GPR149: variants seen among roughly 807,000 people sequenced by gnomAD.
GPR149 encodes probable G protein-coupled receptor 149.
In GPR149, 50 loss-of-function variants were observed where a neutral mutation model predicts 50.2. That is an observed-to-expected ratio of 1.00 (90% CI 0.79 to 1.26). The LOEUF is 1.26. Ranked by LOEUF, GPR149 falls within the 50% of genes most tolerant of loss-of-function variation. The pLI is 0.00. For synonymous variants in GPR149, 405 were observed against 358.2 expected, an observed-to-expected ratio of 1.13 and a Z score of -1.48; for missense variants, 983 against 895.4, an observed-to-expected ratio of 1.10 and a Z score of -1.25.
Position 154,429,115 on chromosome 3 carries a change from G to A in GPR149, c.501C>T (p.Leu167=). The change falls in exon 1 of 4, where the codon CTC becomes CTT. Residue 167 remains leucine, a synonymous_variant. Transcript: ENST00000389740. Reference sequence around the variant, plus strand: ...CGAAGGCGCCCCAGCCGCACAGCGGGAGCGCCGAGAGCAGCAGACTGGCTG... The same window carrying A: ...CGAAGGCGCCCCAGCCGCACAGCGGAAGCGCCGAGAGCAGCAGACTGGCTG... The part of the protein sequence containing the change: ...VWAASLLLSA[L]PLCGWGAFVR... 3.1e-6 allele frequency: 5 copies of A among 1,613,608 alleles called. No homozygotes were observed. Among genetic ancestry groups the A allele is most frequent in the Non-Finnish European group, 4.2e-6 (5 of 1,179,922 alleles).
chr3:154,360,560 G>C lies in GPR149; in HGVS notation c.1624-22289C>G, dbSNP rs189041393. On this transcript the variant is annotated intron_variant, in intron 3 of 3. Transcript: ENST00000389740. Reference sequence around the variant, plus strand: ...TTTTTCAAGGTCAAACAGCCAATAAGTGGTAGAACTGGAATTCCAATCTGG... The same window carrying C: ...TTTTTCAAGGTCAAACAGCCAATAACTGGTAGAACTGGAATTCCAATCTGG... Among the ~76,000 whole-genome samples, 365 of 152,286 alleles carry C rather than the reference G, an allele frequency of 2.4e-3. 3 individuals are homozygous for C. Among genetic ancestry groups the C allele is most frequent in the African/African-American group, 8.4e-3 (351 of 41,568 alleles).
chr3:154,365,015 G>A lies in GPR149; in HGVS notation c.1624-26744C>T, dbSNP rs139057897. Among the ~76,000 whole-genome samples, 443 of 152,280 alleles carry A rather than the reference G, an allele frequency of 2.9e-3. 1 individual carries two copies. Among genetic ancestry groups the A allele is most frequent in the African/African-American group, 0.01 (424 of 41,550 alleles). On this transcript the variant is annotated intron_variant, in intron 3 of 3. Transcript: ENST00000389740. ...CCACCCCATGACTCTGCTAGGCATT[G>A]CTCTACTGGAGACTCTCTGCAGCCA...
chr3:154,404,212 A>G (rs1711616279), intron 3 of GPR149, among the ~76,000 whole-genome samples: 1 of 152,186 alleles, frequency 6.6e-6, no homozygotes, highest in African/African-American at 2.4e-5. Context: ...AGAATATTTA[A>G]TTGGAGCTAT....
chr3:154,420,934 T>C (rs1488614316), intron 3 of GPR149, 105 bp downstream of exon 3: 2 of 789,058 alleles, frequency 2.5e-6, no homozygotes, highest in East Asian at 5.4e-5. Flanking sequence ...CAAGTGAAGT[T>C]AATGTTGGGC....
chr3:154,384,583 AAAG>A (rs1179872000), intron 3 of GPR149, among the ~76,000 whole-genome samples: 5 of 152,220 alleles, frequency 3.3e-5, no homozygotes, highest in African/African-American at 1.2e-4. Context: ...TAGGGCTGAA[AAAG>A]ACCTGAGGCT....
At chr3:154,390,234 T>C (rs1715140108) in intron 3 of GPR149, among the ~76,000 whole-genome samples, 1 of 152,082 alleles carries the variant, frequency 6.6e-6, no homozygotes, top group Admixed American at 6.6e-5. Context: ...AGCAACACGA[T>C]AATCTTCCAG....
chr3:154,356,594 G>C (rs1714232417), intron 3 of GPR149, among the ~76,000 whole-genome samples: 1 of 152,174 alleles, frequency 6.6e-6, no homozygotes, highest in East Asian at 1.9e-4. Context: ...GCTTCAAAGA[G>C]AATAAGATAC....
intron 3 of GPR149, among the ~76,000 whole-genome samples, chr3:154,393,415 G>A (rs73162339): frequency 6.6e-6 from 1 of 151,916 alleles, no homozygotes; most frequent in Admixed American, 6.6e-5. Flanking sequence ...ACTAGAAATA[G>A]AGGGAAATTA....
At chr3:154,387,557 A>T (rs1158001346) in intron 3 of GPR149, among the ~76,000 whole-genome samples, 1 of 152,184 alleles carries the variant, frequency 6.6e-6, no homozygotes, top group Non-Finnish European at 1.5e-5. Context: ...GTCAGATCCC[A>T]TGTCTCCTTC....
intron 3 of GPR149, chr3:154,353,886 T>C: frequency 1.8e-6 from 1 of 570,680 alleles, no homozygotes; most frequent in Non-Finnish European, 3.2e-6. Context: ...TTCAGAAGCT[T>C]TACAGTCTCT....
chr3:154,359,004 C>T (rs541596593), intron 3 of GPR149, among the ~76,000 whole-genome samples: 2 of 152,142 alleles, frequency 1.3e-5, no homozygotes, highest in Non-Finnish European at 2.9e-5. Context: ...TTAAGGATGA[C>T]TTCTATATCA....
chr3:154,429,834 A>AC lies in GPR149; in HGVS notation c.-220dup, dbSNP rs397729220. ...CCATTTCAAGCATAAAAAAAAAAAA[A>AC]CCCGAACAGATAACTTTTCAACATT... On this transcript the variant is annotated 5_prime_UTR_variant, in exon 1 of 4. It introduces an in-frame stop codon into an upstream open reading frame of the 5' UTR. Coordinates refer to ENST00000389740, the MANE Select transcript of GPR149 (RefSeq NM_001038705.3). 4 of 373,092 alleles carry AC rather than the reference A, an allele frequency of 1.1e-5. No homozygotes were observed. Among genetic ancestry groups the AC allele is most frequent in the African/African-American group, 8.7e-5 (4 of 45,886 alleles). The allele number at this position is 373,092 out of a possible 1,614,324, so 23.1% of individuals were successfully genotyped here.
chr3:154,391,526 A>G lies in GPR149; in HGVS notation c.1623+29513T>C, dbSNP rs956662644. ...AAATACAGAAGAATACAGCAAGGAA[A>G]AAAAGATGAACAAAACAACTACAAG... On this transcript the variant is annotated intron_variant, in intron 3 of 3. Coordinates refer to ENST00000389740, the MANE Select transcript of GPR149 (RefSeq NM_001038705.3). Among the ~76,000 whole-genome samples the G allele has an allele frequency of 4.0e-5, 6 of 150,590 alleles. No individual in the cohort carries two copies. The East Asian group carries it at 1.2e-3, about 29-fold the overall frequency.
chr3:154,403,827 G>C (rs1233629999), intron 3 of GPR149, among the ~76,000 whole-genome samples: 1 of 151,898 alleles, frequency 6.6e-6, no homozygotes, highest in African/African-American at 2.4e-5. Context: ...ATATGATTTA[G>C]GTGGCACTAT....
chr3:154,343,441 G>A (rs1713850960), intron 3 of GPR149, among the ~76,000 whole-genome samples: 1 of 152,152 alleles, frequency 6.6e-6, no homozygotes, highest in Non-Finnish European at 1.5e-5. Flanking sequence ...TACTAGAAAG[G>A]CATCCAGGAG....
rs1712416173 is a variant in GPR149, at chr3:154,429,293, G to A, written c.323C>T (p.Ser108Phe). Residue 108 changes from serine (S) to phenylalanine (F), a missense_variant, in exon 1 of 4, where the codon TCT becomes TTT. Coordinates refer to ENST00000389740, the MANE Select transcript of GPR149 (RefSeq NM_001038705.3). ...GCCCTGGCATAAATACATTAAGGCA[G>A]AGGTGGTGCACAGAAATTGGAAGTA... Reference protein sequence around the residue: ...PGYFQFLCTTSALMYLCQGLS... With the variant: ...PGYFQFLCTTFALMYLCQGLS... The A allele has an allele frequency of 1.2e-6, 2 of 1,614,082 alleles. No individual in the cohort carries two copies. Among genetic ancestry groups the A allele is most frequent in the African/African-American group, 1.3e-5 (1 of 74,944 alleles).
At chr3:154,341,130 A>G (rs1315871659) in intron 3 of GPR149, among the ~76,000 whole-genome samples, 1 of 151,520 alleles carries the variant, frequency 6.6e-6, no homozygotes, top group Non-Finnish European at 1.5e-5. Context: ...AGACTGAAAC[A>G]ATAGACCCAG....
intron 3 of GPR149, among the ~76,000 whole-genome samples, chr3:154,356,343 G>A (rs551327643): frequency 3.3e-5 from 5 of 152,228 alleles, no homozygotes; most frequent in Non-Finnish European, 7.4e-5. Flanking sequence ...CAATCAGGCA[G>A]GAGAAGGAAA....
intron 3 of GPR149, among the ~76,000 whole-genome samples, chr3:154,381,464 G>A (rs978772825): frequency 6.6e-6 from 1 of 152,056 alleles, no homozygotes; most frequent in Non-Finnish European, 1.5e-5. Context: ...CATTTTTCTT[G>A]AGTGCCAAGA....
Sources: allele counts gnomAD v4.1 joint callset (sites outside exome capture counted in the v4.1 genomes callset), GRCh38; gene constraint gnomAD v4.1.1; transcripts MANE v1.5; gene names NCBI Gene and HGNC (gene_info 2026-07-23, HGNC 2026-07-21).